The following PIGL variants were observed in gnomAD, a reference collection of about 807,000 sequenced individuals.
The protein encoded by PIGL is phosphatidylinositol glycan anchor biosynthesis class L, also known as N-acetylglucosaminyl-phosphatidylinositol de-N-acetylase.
A neutral mutation model predicts 31.1 loss-of-function variants in PIGL; 22 were observed. The observed-to-expected ratio is 0.71, with a 90% confidence interval of 0.51 to 1.01. PIGL has a LOEUF of 1.01. PIGL is among the 50% of genes least tolerant of loss of function. The probability of loss-of-function intolerance (pLI) is 0.00; values close to 1 mark genes in which losing one functional copy is unlikely to be tolerated. For synonymous variants in PIGL, 131 were observed against 117.4 expected, an observed-to-expected ratio of 1.12 and a Z score of -0.75; for missense variants, 302 against 315.9, an observed-to-expected ratio of 0.96 and a Z score of 0.33.
intron 2 of PIGL, among the ~76,000 whole-genome samples, chr17:16,292,032 C>CTTTTTT (rs35568368): frequency 2.5e-5 from 3 of 122,262 alleles, no homozygotes; most frequent in African/African-American, 2.9e-5. Context: ...TAATGGAGCT[C>CTTTTTT]TTTTTTTTTT....
Position 16,252,066 on chromosome 17 carries a change from C to CT in PIGL, c.335+18009dup, listed in dbSNP as rs66540057. On this transcript the variant is annotated intron_variant, in intron 2 of 6. Transcript: ENST00000225609. The stretch of plus-strand genomic sequence containing the variant: ...TCTATGCGCAGATAATTTTTTTTTC[C>CT]TTTTTTTTTTTTTCTTTTTTTTTGT... Among the ~76,000 whole-genome samples, 978 of 123,776 alleles carry CT rather than the reference C, an allele frequency of 7.9e-3. 18 individuals are homozygous for CT. Among genetic ancestry groups the CT allele is most frequent in the African/African-American group, 0.033 (796 of 23,846 alleles). The allele number at this position is 123,776 out of a possible 152,430, so 81.2% of individuals were successfully genotyped here.
rs576327899 is a variant in PIGL at position 16,220,863 on chromosome 17, C to T, written c.235+3402C>T. ...GGCCAAACTGGTCTCGAACTCCTGA[C>T]CTCAGGTGATCCACCTGGCCCGGCC... On this transcript the variant is annotated intron_variant, in intron 1 of 6. Coordinates refer to ENST00000225609, the MANE Select transcript of PIGL (RefSeq NM_004278.4). Among the ~76,000 whole-genome samples, 11 of 152,230 alleles carry T rather than the reference C, an allele frequency of 7.2e-5. No homozygotes were observed. In the East Asian group the frequency reaches 1.9e-3, roughly 27 times the overall value.
At position 16,325,957 on chromosome 17, in the gene PIGL, A is replaced by G. The variant is rs2142884914; in HGVS notation, c.*59A>G. ...GGGGAAAATAGACAAAGGAGTGCAG[A>G]GGACCTGGCCTGGCACTGGCTTATT... On this transcript the variant is annotated 3_prime_UTR_variant, in exon 7 of 7. Transcript: ENST00000225609. 8.0e-7 allele frequency: 1 copy of G among 1,249,380 alleles called. No individual in the cohort carries two copies. The highest frequency in any genetic ancestry group is 1.2e-6 in the Non-Finnish European group (1 of 850,054). 77.4% of individuals were successfully genotyped at this position (1,249,380 alleles called of 1,614,324 possible).
intron 6 of PIGL, among the ~76,000 whole-genome samples, chr17:16,318,183 A>G (rs2093086694): frequency 6.6e-6 from 1 of 152,200 alleles, no homozygotes; most frequent in East Asian, 1.9e-4. Flanking sequence ...ACATAAAAGC[A>G]TCAAAAAGAA....
chr17:16,283,178 T>C (rs1331861593), intron 2 of PIGL, among the ~76,000 whole-genome samples: 1 of 152,056 alleles, frequency 6.6e-6, no homozygotes, highest in Non-Finnish European at 1.5e-5. Context: ...AATTTTTGTA[T>C]TTTTAGTAGA....
intron 2 of PIGL, among the ~76,000 whole-genome samples, chr17:16,268,903 C>T (rs1367119004): frequency 1.3e-5 from 2 of 152,140 alleles, no homozygotes; most frequent in East Asian, 3.8e-4. Flanking sequence ...GCTGGGACTA[C>T]AGGCGCGTGC....
intron 2 of PIGL, among the ~76,000 whole-genome samples, chr17:16,278,887 A>G (rs2092906233): frequency 6.6e-6 from 1 of 152,240 alleles, no homozygotes; most frequent in Non-Finnish European, 1.5e-5. Context: ...AAACCAGTTA[A>G]TCAAAATGCT....
chr17:16,234,207 C>T lies in PIGL; in HGVS notation c.335+137C>T, dbSNP rs2092690547. The T allele has an allele frequency of 7.1e-6, 4 of 564,930 alleles. 1 individual carries two copies. Among genetic ancestry groups the T allele is most frequent in the Admixed American group, 5.9e-5 (2 of 33,952 alleles). The allele number at this position is 564,930 out of a possible 1,614,324, so 35.0% of individuals were successfully genotyped here. On this transcript the variant is annotated intron_variant, in intron 2 of 6. Coordinates refer to ENST00000225609, the MANE Select transcript of PIGL (RefSeq NM_004278.4). ...GTCTAGGGCTCGGTGCCATGGTTCA[C>T]GCTTGTAATCCCAGTACTTTGGGAG... is the stretch of plus-strand genomic sequence containing the variant.
At chr17:16,224,195 T>C (rs1279951515) in intron 1 of PIGL, among the ~76,000 whole-genome samples, 6 of 151,966 alleles carry the variant, frequency 3.9e-5, no homozygotes, top group Non-Finnish European at 7.4e-5. Context: ...AGCCTCTTGC[T>C]CTTGCGACAG....
intron 2 of PIGL, among the ~76,000 whole-genome samples, chr17:16,244,447 G>A (rs1344195748): frequency 2.6e-5 from 4 of 152,162 alleles, no homozygotes; most frequent in African/African-American, 4.8e-5. Context: ...ATTAGTAATC[G>A]TGTTTTTTCT....
intron 2 of PIGL, among the ~76,000 whole-genome samples, chr17:16,291,563 A>G (rs903113003): frequency 1.3e-5 from 2 of 148,700 alleles, no homozygotes; most frequent in Admixed American, 1.4e-4. Flanking sequence ...GGGAGCTTAC[A>G]AGGATAAGAA....
In PIGL at chr17:16,224,236, G is replaced by A. The variant is rs918087201; in HGVS notation, c.235+6775G>A. On this transcript the variant is annotated intron_variant, in intron 1 of 6. Transcript: ENST00000225609. ...GACTCCGTCTCAGGGGGAAAAGAAA[G>A]CTACACTATATTATAGAAGCGCTAT... 8.6e-5 allele frequency among the ~76,000 whole-genome samples: 13 copies of A among 152,024 alleles called. 1 individual carries two copies. Among genetic ancestry groups the A allele is most frequent in the Admixed American group, 8.5e-4 (13 of 15,246 alleles).
intron 2 of PIGL, among the ~76,000 whole-genome samples, chr17:16,251,390 C>A (rs963584269): frequency 6.0e-5 from 9 of 150,464 alleles, no homozygotes; most frequent in Non-Finnish European, 1.3e-4. Flanking sequence ...GCCATTGCAC[C>A]CCAGCCTGGG....
intron 2 of PIGL, among the ~76,000 whole-genome samples, chr17:16,294,425 G>A (rs2142825033): frequency 6.6e-6 from 1 of 152,208 alleles, no homozygotes; most frequent in South Asian, 2.1e-4. Flanking sequence ...CTTGAATCCT[G>A]CTTGCCCTGT....
chr17:16,325,779 G>C (rs2142884613), intron 6 of PIGL, 21 bp from the exon 7 acceptor site: 1 of 1,587,050 alleles, frequency 6.3e-7, no homozygotes, highest in East Asian at 2.2e-5. Flanking sequence ...TTTCATAACT[G>C]GTTCTCTTTG....
At chr17:16,242,680 G>T (rs570723497) in intron 2 of PIGL, among the ~76,000 whole-genome samples, 3 of 109,178 alleles carry the variant, frequency 2.7e-5, no homozygotes, top group Non-Finnish European at 5.1e-5. Context: ...TTGAGACAGA[G>T]TCTCGCTTGT....
Position 16,237,829 on chromosome 17 carries a change from A to T in PIGL, c.335+3759A>T, listed in dbSNP as rs2092705872. ...GCAAAAAAAAAAAAAAAAAAAATTG[A>T]ATCTCTTTTCTGTCACACTGAAAGT... On this transcript the variant is annotated intron_variant, in intron 2 of 6. Coordinates refer to ENST00000225609, the MANE Select transcript of PIGL (RefSeq NM_004278.4). 2.7e-5 allele frequency among the ~76,000 whole-genome samples: 4 copies of T among 145,590 alleles called. No homozygotes were observed. In the South Asian group the frequency reaches 8.6e-4, roughly 31 times the overall value.
At chr17:16,260,360 C>T (rs2092814156) in intron 2 of PIGL, among the ~76,000 whole-genome samples, 1 of 152,156 alleles carries the variant, frequency 6.6e-6, no homozygotes. Flanking sequence ...CTGGACCTGC[C>T]CATGGCAAAC....
intron 1 of PIGL, among the ~76,000 whole-genome samples, chr17:16,227,358 GC>G (rs2092656548): frequency 6.6e-6 from 1 of 151,954 alleles, no homozygotes; most frequent in Admixed American, 6.6e-5. Context: ...TAATCCGCCT[GC>G]CTTGGCCTCC....
Sources: gnomAD v4.1 joint callset for allele counts (sites outside exome capture counted in the v4.1 genomes callset) on GRCh38, gnomAD v4.1.1 for gene constraint, MANE v1.5 for transcripts, NCBI Gene and HGNC (gene_info 2026-07-23, HGNC 2026-07-21) for gene names.